The following HTR1F variants were observed in gnomAD, a reference collection of about 807,000 sequenced individuals.
HTR1F encodes 5-hydroxytryptamine receptor 1F.
In HTR1F, 17 loss-of-function variants were observed where a neutral mutation model predicts 24.0. That is an observed-to-expected ratio of 0.71 (90% CI 0.48 to 1.06). The LOEUF is 1.06. Among genes scored for constraint, HTR1F ranks in the 50% least tolerant of loss-of-function variants. The probability of loss-of-function intolerance (pLI) is 0.00; values close to 1 mark genes in which losing one functional copy is unlikely to be tolerated. For synonymous variants in HTR1F, 186 were observed against 156.8 expected, an observed-to-expected ratio of 1.19 and a Z score of -1.39; for missense variants, 391 against 427.8, an observed-to-expected ratio of 0.91 and a Z score of 0.76.
At chr3:87,851,558 CA>C (rs1705086850) in intron 2 of HTR1F, among the ~76,000 whole-genome samples, 1 of 151,550 alleles carries the variant, frequency 6.6e-6, no homozygotes, top group Non-Finnish European at 1.5e-5. Flanking sequence ...AATGCTATTT[CA>C]TGGGACTTTT....
chr3:87,932,316 T>C (rs947025262), intron 2 of HTR1F, among the ~76,000 whole-genome samples: 1 of 152,092 alleles, frequency 6.6e-6, no homozygotes, highest in Non-Finnish European at 1.5e-5. Context: ...TTTCCCTATT[T>C]CTTGTTTTTC....
intron 2 of HTR1F, among the ~76,000 whole-genome samples, chr3:87,923,459 T>C (rs1036657521): frequency 6.6e-6 from 1 of 151,970 alleles, no homozygotes; most frequent in East Asian, 1.9e-4. Context: ...ATTTTTTTGG[T>C]CCTTGATTAA....
chr3:87,916,429 C>A (rs765395791), intron 2 of HTR1F, among the ~76,000 whole-genome samples: 1 of 150,922 alleles, frequency 6.6e-6, no homozygotes, highest in Non-Finnish European at 1.5e-5. Flanking sequence ...TTAAAAGATA[C>A]AGAACTTCAG....
At chr3:87,911,797 C>A (rs1461693751) in intron 2 of HTR1F, among the ~76,000 whole-genome samples, 2 of 152,068 alleles carry the variant, frequency 1.3e-5, no homozygotes, top group Non-Finnish European at 2.9e-5. Flanking sequence ...ACCACATAAA[C>A]AGAATTAAAG....
intron 2 of HTR1F, among the ~76,000 whole-genome samples, chr3:87,882,462 G>A (rs1705825987): frequency 6.6e-6 from 1 of 151,986 alleles, no homozygotes; most frequent in South Asian, 2.1e-4. Context: ...CAACCCAAAT[G>A]TCCAACAATG....
chr3:87,937,580 A>G (rs1013545279), intron 2 of HTR1F, among the ~76,000 whole-genome samples: 1 of 152,144 alleles, frequency 6.6e-6, no homozygotes, highest in Non-Finnish European at 1.5e-5. Context: ...CTCTCTCACC[A>G]CTGCTATTCA....
At chr3:87,905,162 T>G (rs1207138266) in intron 2 of HTR1F, among the ~76,000 whole-genome samples, 19 of 151,766 alleles carry the variant, frequency 1.3e-4, no homozygotes, top group Admixed American at 1.1e-3. Flanking sequence ...AATTAAAAGT[T>G]AGTTGAGTTT....
At chr3:87,938,068 C>T (rs1847304) in intron 2 of HTR1F, among the ~76,000 whole-genome samples, 1 of 152,012 alleles carries the variant, frequency 6.6e-6, no homozygotes, top group Non-Finnish European at 1.5e-5. Context: ...GCTTCTTAAG[C>T]TGATAAACAA....
intron 2 of HTR1F, among the ~76,000 whole-genome samples, chr3:87,848,196 A>G (rs1179678683): frequency 6.6e-6 from 1 of 151,816 alleles, no homozygotes; most frequent in Non-Finnish European, 1.5e-5. Context: ...TGTCTTTTTG[A>G]TAATAGCCAT....
At chr3:87,845,589 C>G (rs1324852062) in intron 2 of HTR1F, among the ~76,000 whole-genome samples, 1 of 150,702 alleles carries the variant, frequency 6.6e-6, no homozygotes, top group Non-Finnish European at 1.5e-5. Flanking sequence ...AAAGAGGATA[C>G]AAACAAATGG....
In HTR1F at chr3:87,807,458, A is replaced by G. The variant is rs141089751; in HGVS notation, c.-159-14550A>G. 3.4e-3 allele frequency among the ~76,000 whole-genome samples: 511 copies of G among 151,976 alleles called. 5 individuals are homozygous for G. The highest frequency in any genetic ancestry group is 0.01 in the Middle Eastern group (3 of 294). On this transcript the variant is annotated intron_variant, in intron 1 of 2. Transcript: ENST00000319595. ...TAATTAGCATATAGAAATGATTCTG[A>G]TTTTTGTATGCTGACTTTGTATTCC...
intron 2 of HTR1F, among the ~76,000 whole-genome samples, chr3:87,914,985 G>A (rs1456227896): frequency 1.3e-5 from 2 of 152,104 alleles, no homozygotes; most frequent in Non-Finnish European, 1.5e-5. Flanking sequence ...TGGTATCCAT[G>A]GCTGAGAGAC....
At chr3:87,856,565 T>A (rs1038585959) in intron 2 of HTR1F, among the ~76,000 whole-genome samples, 4 of 152,148 alleles carry the variant, frequency 2.6e-5, no homozygotes, top group African/African-American at 9.6e-5. Flanking sequence ...GACTTGACAT[T>A]TATACCTACT....
At chr3:87,905,799 C>A (rs574524922) in intron 2 of HTR1F, among the ~76,000 whole-genome samples, 1 of 151,210 alleles carries the variant, frequency 6.6e-6, no homozygotes, top group Non-Finnish European at 1.5e-5. Flanking sequence ...ACAAAGATAG[C>A]ATTTTTTAAA....
intron 2 of HTR1F, among the ~76,000 whole-genome samples, chr3:87,826,993 T>C (rs1575914555): frequency 6.6e-6 from 1 of 152,130 alleles, no homozygotes. Context: ...GTATTTTTTG[T>C]AGAGACAGGC....
rs1210153305 is a variant in HTR1F at position 87,874,820 on chromosome 3, T to C, written c.-43+52696T>C. On this transcript the variant is annotated intron_variant, in intron 2 of 2. Coordinates refer to ENST00000319595, the MANE Select transcript of HTR1F (RefSeq NM_001322209.2). ...AGACATATAGACTAGTGGAACGTAA[T>C]AGAAAGCCCAGAAGTATATGGTTAA... is the stretch of plus-strand genomic sequence containing the variant. Among the ~76,000 whole-genome samples the C allele has an allele frequency of 2.6e-5, 4 of 152,094 alleles. No individual in the cohort carries two copies. The East Asian group carries it at 7.7e-4, about 29-fold the overall frequency.
chr3:87,936,057 C>T (rs758085507), intron 2 of HTR1F, among the ~76,000 whole-genome samples: 1 of 152,096 alleles, frequency 6.6e-6, no homozygotes, highest in African/African-American at 2.4e-5. Flanking sequence ...ACCATGTTGG[C>T]CAGGCTGGTC....
At chr3:87,808,477 A>G (rs996918143) in intron 1 of HTR1F, among the ~76,000 whole-genome samples, 1 of 150,108 alleles carries the variant, frequency 6.7e-6, no homozygotes, top group Non-Finnish European at 1.5e-5. Context: ...TTTTTTTCAT[A>G]TCTGATTTTG....
At chr3:87,805,888 TCTAA>T (rs1310279424) in intron 1 of HTR1F, among the ~76,000 whole-genome samples, 2 of 152,038 alleles carry the variant, frequency 1.3e-5, no homozygotes, top group Non-Finnish European at 2.9e-5. Context: ...ACTTATGCCT[TCTAA>T]CTAACCACAT....
Sources: allele counts gnomAD v4.1 joint callset (sites outside exome capture counted in the v4.1 genomes callset), GRCh38; gene constraint gnomAD v4.1.1; transcripts MANE v1.5; gene names NCBI Gene and HGNC (gene_info 2026-07-23, HGNC 2026-07-21).